Variants in IGF1R observed in about 807,000 individuals in gnomAD.
IGF1R encodes insulin like growth factor 1 receptor.
Under a neutral mutation model 144.6 loss-of-function variants are expected in IGF1R, and 44 were observed. That is an observed-to-expected ratio of 0.30 (90% confidence interval 0.24 to 0.39). IGF1R has a LOEUF of 0.39. IGF1R is among the 10% of genes least tolerant of loss of function. The probability of loss-of-function intolerance (pLI) is 1.00; values close to 1 mark genes in which losing one functional copy is unlikely to be tolerated. For synonymous variants in IGF1R, 795 were observed against 722.8 expected, an observed-to-expected ratio of 1.10 and a Z score of -1.60; for missense variants, 1,355 against 1,833.7, an observed-to-expected ratio of 0.74 and a Z score of 4.77.
At chr15:98,886,942 C>T (rs969172857) in intron 2 of IGF1R, among the ~76,000 whole-genome samples, 3 of 152,230 alleles carry the variant, frequency 2.0e-5, no homozygotes, top group East Asian at 3.9e-4. Context: ...TTATGCAGTT[C>T]GTCCTCTAAC....
chr15:98,715,481 A>T (rs2018860), intron 2 of IGF1R, among the ~76,000 whole-genome samples: 78,110 of 151,922 alleles, frequency 0.51, 21,203 homozygotes, highest in Non-Finnish European at 0.6. Flanking sequence ...TATTTGTACA[A>T]TTGTTCTGGT....
chr15:98,892,124 C>T (rs1277554300), intron 3 of IGF1R, among the ~76,000 whole-genome samples: 1 of 152,220 alleles, frequency 6.6e-6, no homozygotes, highest in Non-Finnish European at 1.5e-5. Context: ...TCAGAGTAGG[C>T]AGTAGCTTAA....
At chr15:98,836,189 T>TTCTC (rs1555450945) in intron 2 of IGF1R, among the ~76,000 whole-genome samples, 1 of 151,916 alleles carries the variant, frequency 6.6e-6, no homozygotes, top group African/African-American at 2.4e-5. Flanking sequence ...ATTTTTTTTT[T>TTCTC]TCTCTCTCTC....
intron 10 of IGF1R, among the ~76,000 whole-genome samples, chr15:98,917,616 G>A (rs1346103185): frequency 3.3e-5 from 5 of 152,204 alleles, no homozygotes; most frequent in Admixed American, 2.6e-4. Flanking sequence ...CAATAAAATG[G>A]GCTCGAACCT....
intron 2 of IGF1R, among the ~76,000 whole-genome samples, chr15:98,884,810 C>A (rs115447412): frequency 6.6e-6 from 1 of 152,036 alleles, no homozygotes; most frequent in Admixed American, 6.6e-5. Context: ...GGCTAGAATG[C>A]ACATCTGATC....
In IGF1R at chr15:98,648,929, C is replaced by G. The variant is rs2052264211; in HGVS notation, c.-653C>G. On this transcript the variant is annotated 5_prime_UTR_variant, in exon 1 of 21. Transcript: ENST00000650285. The stretch of plus-strand genomic sequence containing the variant: ...CGGGCGGCGCGGCGGGAGTGCTGAG[C>G]GCGGCGCGGCCGGCCCGCCGCTTTG... 1 of 174,790 alleles carries G rather than the reference C, an allele frequency of 5.7e-6. No individual in the cohort carries two copies. Among genetic ancestry groups the G allele is most frequent in the Non-Finnish European group, 1.2e-5 (1 of 82,188 alleles). The allele number at this position is 174,790 out of a possible 1,614,324, so 10.8% of individuals were successfully genotyped here.
intron 2 of IGF1R, among the ~76,000 whole-genome samples, chr15:98,752,687 G>GA (rs60896795): frequency 0.63 from 93,398 of 147,546 alleles, 29,451 homozygotes; most frequent in Non-Finnish European, 0.67. Context: ...CCGTCTCAAA[G>GA]AAAAAAAAAA....
chr15:98,677,667 C>T (rs1456505018), intron 1 of IGF1R, among the ~76,000 whole-genome samples: 1 of 152,174 alleles, frequency 6.6e-6, no homozygotes, highest in Non-Finnish European at 1.5e-5. Flanking sequence ...TCCTCGTGAA[C>T]ACAAGATGAC....
chr15:98,943,152 C>A lies in IGF1R; in HGVS notation c.3587+100C>A, dbSNP rs549474199. 2.1e-6 allele frequency: 3 copies of A among 1,397,792 alleles called. No individual in the cohort carries two copies. In the Admixed American group the frequency reaches 5.1e-5, roughly 24 times the overall value. The allele number at this position is 1,397,792 out of a possible 1,614,324, so 86.6% of individuals were successfully genotyped here. On this transcript the variant is annotated intron_variant, in intron 19 of 20. Transcript: ENST00000650285. Reference sequence around the variant, plus strand: ...CTTTATCTTTCTCTGTTCATTGTTACCCGTTGCCAGCTTTAGCTCAGTGTT... The same window carrying A: ...CTTTATCTTTCTCTGTTCATTGTTAACCGTTGCCAGCTTTAGCTCAGTGTT...
chr15:98,772,108 T>C (rs2055600786), intron 2 of IGF1R, among the ~76,000 whole-genome samples: 1 of 152,142 alleles, frequency 6.6e-6, no homozygotes, highest in Non-Finnish European at 1.5e-5. Context: ...GAACAGAGAA[T>C]TCTAATTGAA....
intron 2 of IGF1R, among the ~76,000 whole-genome samples, chr15:98,740,677 A>C (rs970928715): frequency 6.6e-6 from 1 of 152,218 alleles, no homozygotes; most frequent in Non-Finnish European, 1.5e-5. Flanking sequence ...AGATTTGGTT[A>C]GTAGTATTTT....
At chr15:98,746,191 G>A (rs1406492432) in intron 2 of IGF1R, among the ~76,000 whole-genome samples, 2 of 152,168 alleles carry the variant, frequency 1.3e-5, no homozygotes, top group African/African-American at 4.8e-5. Context: ...ACTGACACTA[G>A]AAGGGAAACC....
chr15:98,720,715 G>C (rs977810794), intron 2 of IGF1R, among the ~76,000 whole-genome samples: 1 of 152,236 alleles, frequency 6.6e-6, no homozygotes, highest in African/African-American at 2.4e-5. Context: ...TTAAGTCTTA[G>C]ATCTTTGAAG....
intron 2 of IGF1R, among the ~76,000 whole-genome samples, chr15:98,764,042 C>T (rs1204188177): frequency 6.6e-6 from 1 of 152,222 alleles, no homozygotes; most frequent in African/African-American, 2.4e-5. Flanking sequence ...TTGATAAGAA[C>T]ACTTGTCATG....
intron 2 of IGF1R, among the ~76,000 whole-genome samples, chr15:98,750,605 C>CTT (rs1489118544): frequency 6.6e-6 from 1 of 152,096 alleles, no homozygotes; most frequent in Non-Finnish European, 1.5e-5. Flanking sequence ...GGGTGGATTG[C>CTT]TTGAGGCCAG....
intron 2 of IGF1R, among the ~76,000 whole-genome samples, chr15:98,745,127 G>C (rs1221252372): frequency 6.6e-6 from 1 of 152,176 alleles, no homozygotes; most frequent in Non-Finnish European, 1.5e-5. Context: ...ATCAGTATTA[G>C]CTAATATAGG....
intron 2 of IGF1R, among the ~76,000 whole-genome samples, chr15:98,722,129 C>T (rs1449366238): frequency 6.6e-6 from 1 of 152,150 alleles, no homozygotes; most frequent in Non-Finnish European, 1.5e-5. Flanking sequence ...GTGCAAGTCT[C>T]ATGCTAGGCA....
At chr15:98,875,350 T>TTTTC (rs1555455569) in intron 2 of IGF1R, among the ~76,000 whole-genome samples, 2 of 57,870 alleles carry the variant, frequency 3.5e-5, no homozygotes, top group Non-Finnish European at 7.3e-5. Flanking sequence ...TTTTCTTTTC[T>TTTTC]TTTTTTTTTT....
At chr15:98,903,659 A>T (rs2014589372) in intron 5 of IGF1R, among the ~76,000 whole-genome samples, 1 of 152,244 alleles carries the variant, frequency 6.6e-6, no homozygotes, top group African/African-American at 2.4e-5. Context: ...ACTGGAAACC[A>T]TTCAGATGTT....
Sources: gnomAD v4.1 joint callset for allele counts (sites outside exome capture counted in the v4.1 genomes callset) on GRCh38, gnomAD v4.1.1 for gene constraint, MANE v1.5 for transcripts, NCBI Gene and HGNC (gene_info 2026-07-23, HGNC 2026-07-21) for gene names.